TDRD12: variants seen among roughly 807,000 people sequenced by gnomAD.
TDRD12 encodes the protein tudor domain containing 12.
In TDRD12, 158 loss-of-function variants were observed where a neutral mutation model predicts 133.5. The ratio of observed to expected loss-of-function variants is 1.18; its 90% CI spans 1.04 to 1.35. The LOEUF (loss-of-function observed/expected upper bound fraction) is 1.35. TDRD12 is among the 40% of genes most tolerant of loss of function. The pLI is 0.00. For synonymous variants in TDRD12, 460 were observed against 477.9 expected, an observed-to-expected ratio of 0.96 and a Z score of 0.49; for missense variants, 1,443 against 1,321.3, an observed-to-expected ratio of 1.09 and a Z score of -1.43.
chr19:32,792,240 C>T (rs1233165119), intron 13 of TDRD12, among the ~76,000 whole-genome samples: 3 of 150,696 alleles, frequency 2.0e-5, no homozygotes, highest in East Asian at 1.9e-4. Context: ...AGCAAGACTC[C>T]GTCTCAAAAA....
At chr19:32,794,477 G>C in intron 13 of TDRD12, 151 bp from the exon 14 acceptor site, 1 of 595,488 alleles carries the variant, frequency 1.7e-6, no homozygotes, top group Non-Finnish European at 3.0e-6. Context: ...TTGGTACTGA[G>C]AAAAGATTTG....
intron 10 of TDRD12, among the ~76,000 whole-genome samples, chr19:32,775,979 C>T (rs1053036201): frequency 2.0e-5 from 3 of 152,208 alleles, no homozygotes; most frequent in African/African-American, 7.2e-5. Flanking sequence ...TGAGGTCCGG[C>T]CCTCATGTTC....
chr19:32,752,294 C>T (rs990943827), intron 6 of TDRD12, among the ~76,000 whole-genome samples: 2 of 152,192 alleles, frequency 1.3e-5, no homozygotes, highest in African/African-American at 4.8e-5. Flanking sequence ...ATTCTTCTGC[C>T]TCAGCCCCCT....
intron 9 of TDRD12, 43 bp from the exon 10 acceptor site, chr19:32,773,413 G>A: frequency 1.3e-6 from 2 of 1,493,660 alleles, no homozygotes; most frequent in Non-Finnish European, 1.8e-6. Context: ...ATATTATGTT[G>A]CTAGCATACA....
At chr19:32,748,290 C>T (rs548007434) in intron 4 of TDRD12, among the ~76,000 whole-genome samples, 186 bp from the exon 5 acceptor site, 4 of 152,132 alleles carry the variant, frequency 2.6e-5, no homozygotes, top group Admixed American at 2.0e-4. Flanking sequence ...AGTGTTGAGA[C>T]GAGCGTGTTG....
chr19:32,748,596 C>T (rs1969727833), intron 5 of TDRD12, 65 bp downstream of exon 5: 1 of 1,478,500 alleles, frequency 6.8e-7, no homozygotes, highest in Non-Finnish European at 9.1e-7. Context: ...TCAGCTTCTG[C>T]TGCTGGCGGG....
chr19:32,803,176 G>A (rs10404371), intron 21 of TDRD12, 34 bp downstream of exon 21: 499,348 of 1,411,792 alleles, frequency 0.35, 90,135 homozygotes, highest in East Asian at 0.52. Context: ...TTAAACTGAT[G>A]TATAACCTGC....
intron 9 of TDRD12, 28 bp from the exon 32 acceptor site, chr19:32,826,655 G>C (rs571997165): frequency 6.5e-6 from 8 of 1,230,470 alleles, no homozygotes; most frequent in Non-Finnish European, 8.1e-6. Context: ...ATATTCACGC[G>C]CTCACTGTCA....
chr19:32,790,575 T>A, exon 12 of TDRD12: 1 of 1,551,926 alleles, frequency 6.4e-7, no homozygotes, highest in Middle Eastern at 1.7e-4. Flanking sequence ...GCTGACGGAA[T>A]CTCTGATCTC....
chr19:32,774,091 G>T (rs1446462329), intron 10 of TDRD12, among the ~76,000 whole-genome samples: 1 of 152,174 alleles, frequency 6.6e-6, no homozygotes, highest in East Asian at 1.9e-4. Context: ...TCTGTACTTT[G>T]TCCTCTTCAA....
chr19:32,765,331 C>T (rs1421119666), intron 8 of TDRD12, among the ~76,000 whole-genome samples: 2 of 152,116 alleles, frequency 1.3e-5, no homozygotes, highest in African/African-American at 2.4e-5. Flanking sequence ...GTCAGTGTGG[C>T]GATTCCCCAG....
chr19:32,721,395 AT>A lies in TDRD12; in HGVS notation c.24+1306del, dbSNP rs71336954. Reference sequence around the variant, plus strand: ...ATTTTATTTTATTATTTATTCATTTATTTTTTTGAGATGGAGTTTCGCTCTT... The same window carrying A: ...ATTTTATTTTATTATTTATTCATTTATTTTTTGAGATGGAGTTTCGCTCTT... On this transcript the variant is annotated intron_variant, in intron 1 of 27. Transcript: ENST00000444215. 5.3e-5 allele frequency among the ~76,000 whole-genome samples: 8 copies of A among 151,804 alleles called. No homozygotes were observed. The East Asian group carries it at 1.5e-3, about 29-fold the overall frequency.
intron 8 of TDRD12, among the ~76,000 whole-genome samples, chr19:32,761,265 G>A (rs1004842587): frequency 1.3e-5 from 2 of 152,084 alleles, no homozygotes; most frequent in African/African-American, 4.8e-5. Context: ...ACAGGCGCCC[G>A]CCACCAAGCC....
At chr19:32,762,494 G>A (rs879836572) in intron 8 of TDRD12, among the ~76,000 whole-genome samples, 3 of 152,150 alleles carry the variant, frequency 2.0e-5, no homozygotes, top group Non-Finnish European at 4.4e-5. Context: ...GCTCATTGAC[G>A]CTAGAGAAGT....
At chr19:32,777,453 C>T (rs929795221) in intron 11 of TDRD12, among the ~76,000 whole-genome samples, 2 of 152,000 alleles carry the variant, frequency 1.3e-5, no homozygotes, top group African/African-American at 4.8e-5. Flanking sequence ...TAGTCATTTT[C>T]TACCTTGCCT....
At chr19:32,721,218 T>C (rs919589981) in intron 1 of TDRD12, among the ~76,000 whole-genome samples, 7 of 152,058 alleles carry the variant, frequency 4.6e-5, no homozygotes, top group Admixed American at 6.5e-5. Context: ...TGAGGGCTCA[T>C]TGGTGAAGGG....
At chr19:32,806,454 T>C (rs1010501302) in intron 21 of TDRD12, among the ~76,000 whole-genome samples, 8 of 151,676 alleles carry the variant, frequency 5.3e-5, no homozygotes, top group African/African-American at 1.9e-4. Context: ...GCAGTTCTTG[T>C]GCCTCAGCCT....
intron 14 of TDRD12, among the ~76,000 whole-genome samples, chr19:32,795,534 A>C (rs1971201336): frequency 6.6e-6 from 1 of 152,024 alleles, no homozygotes; most frequent in South Asian, 2.1e-4. Context: ...AGTGGGGTTG[A>C]AGTCTGAGCT....
At position 32,756,147 on chromosome 19, in the gene TDRD12, G is replaced by GT; in HGVS notation, c.743dup (p.Leu248PhefsTer33). On this transcript the variant is annotated frameshift_variant, in exon 7 of 28. Coordinates refer to ENST00000444215, the Ensembl canonical transcript of TDRD12. LOFTEE classifies it high-confidence loss of function. The stretch of plus-strand genomic sequence containing the variant: ...ATCCAGCACTTACACTCTGGCCAAT[G>GT]TTTTTGCAAGGAAAAGATGTTCAAG... The GT allele has an allele frequency of 7.0e-7, 1 of 1,434,460 alleles. No individual in the cohort carries two copies. Among genetic ancestry groups the GT allele is most frequent in the Non-Finnish European group, 9.1e-7 (1 of 1,096,754 alleles). The allele number at this position is 1,434,460 out of a possible 1,614,324, so 88.9% of individuals were successfully genotyped here. A position where few individuals can be genotyped will look rare whatever the true frequency, so the allele number is the denominator to read the frequency against.
Sources: allele counts gnomAD v4.1 joint callset (sites outside exome capture counted in the v4.1 genomes callset), GRCh38; gene constraint gnomAD v4.1.1; transcripts MANE v1.5; gene names NCBI Gene and HGNC (gene_info 2026-07-23, HGNC 2026-07-21).